The following PLCG2 variants were observed in gnomAD, a reference collection of about 807,000 sequenced individuals.
PLCG2 encodes 1-phosphatidylinositol 4,5-bisphosphate phosphodiesterase gamma-2.
A neutral mutation model predicts 175.6 loss-of-function variants in PLCG2; 69 were observed. The ratio of observed to expected loss-of-function variants is 0.39; its 90% confidence interval spans 0.32 to 0.48. PLCG2 has a LOEUF of 0.48. PLCG2 is among the 20% of genes least tolerant of loss of function. The pLI, the probability that PLCG2 is intolerant of heterozygous loss-of-function variation, is 0.91. For missense variants in PLCG2, 1,798 were observed against 1,650.9 expected, an observed-to-expected ratio of 1.09 and a Z score of -1.54; for synonymous variants, 827 against 624.0, an observed-to-expected ratio of 1.33 and a Z score of -4.85.
chr16:81,762,706 C>T (rs771713892), intron 2 of PLCG2, among the ~76,000 whole-genome samples: 12 of 152,120 alleles, frequency 7.9e-5, no homozygotes, highest in Non-Finnish European at 1.6e-4. Context: ...TGGGAAAAGC[C>T]TGAGCAAAAG....
chr16:81,744,994 C>CTTA (rs1378388406), intron 1 of PLCG2, among the ~76,000 whole-genome samples: 1 of 152,182 alleles, frequency 6.6e-6, no homozygotes, highest in Non-Finnish European at 1.5e-5. Context: ...ATCTTAACTC[C>CTTA]AACCCTGGAC....
chr16:81,749,734 G>T (rs986126967), intron 1 of PLCG2, among the ~76,000 whole-genome samples: 2 of 152,326 alleles, frequency 1.3e-5, no homozygotes, highest in Non-Finnish European at 2.9e-5. Context: ...TGGTGTTTCT[G>T]TCAAAATTGT....
chr16:81,767,555 A>G (rs943760154), intron 2 of PLCG2: 3 of 151,974 alleles, frequency 2.0e-5, no homozygotes, highest in Non-Finnish European at 4.4e-5. Context: ...TGGGATTATC[A>G]CTTGTATTGT....
chr16:81,837,384 C>T (rs754955495), intron 2 of PLCG2, among the ~76,000 whole-genome samples: 4 of 152,198 alleles, frequency 2.6e-5, no homozygotes, highest in African/African-American at 7.2e-5. Flanking sequence ...CCCTGCAGGC[C>T]ACTTCCTCTG....
At chr16:81,890,856 A>G (rs1908598506) in intron 10 of PLCG2, among the ~76,000 whole-genome samples, 2 of 152,132 alleles carry the variant, frequency 1.3e-5, no homozygotes, top group South Asian at 2.1e-4. Context: ...TCATGCTACT[A>G]TTATGCTTTA....
At chr16:81,937,706 G>A in intron 27 of PLCG2, 52 bp from the exon 28 acceptor site, 23 of 1,560,250 alleles carry the variant, frequency 1.5e-5, no homozygotes, top group Non-Finnish European at 1.8e-5. Flanking sequence ...CTGGCCTAGG[G>A]GGCCAGCGTG....
intron 2 of PLCG2, among the ~76,000 whole-genome samples, chr16:81,793,177 T>C: frequency 6.6e-6 from 1 of 151,982 alleles, no homozygotes; most frequent in East Asian, 1.9e-4. Flanking sequence ...TTTCCAGGGG[T>C]GTTGGATAAG....
intron 29 of PLCG2, among the ~76,000 whole-genome samples, chr16:81,939,656 G>A (rs1347089286): frequency 6.6e-6 from 1 of 152,188 alleles, no homozygotes; most frequent in Non-Finnish European, 1.5e-5. Flanking sequence ...GGGGAGATGG[G>A]AGGTGGTCTC....
intron 2 of PLCG2, among the ~76,000 whole-genome samples, chr16:81,803,040 C>G (rs915301189): frequency 1.6e-4 from 24 of 151,446 alleles, no homozygotes; most frequent in African/African-American, 4.8e-4. Flanking sequence ...CTGGCAATGA[C>G]AAATCTACTT....
chr16:81,933,405 C>T (rs924266877), intron 25 of PLCG2, among the ~76,000 whole-genome samples: 1 of 152,146 alleles, frequency 6.6e-6, no homozygotes, highest in Non-Finnish European at 1.5e-5. Context: ...CCCTAAGTGC[C>T]CGCATTGTTA....
rs1041942132 is a variant in PLCG2, at chr16:81,959,104, G to T, written c.*1106G>T. 30 of 223,808 alleles carry T rather than the reference G, an allele frequency of 1.3e-4. No individual in the cohort carries two copies. Among genetic ancestry groups the T allele is most frequent in the African/African-American group, 6.7e-4 (30 of 44,924 alleles). The allele number at this position is 223,808 out of a possible 1,614,324, so 13.9% of individuals were successfully genotyped here. ...ATGTAATATGGCTTTTTAAAGGAGA[G>T]GAGAGTGCTGGGTTGGGAAGGGAGG... On this transcript the variant is annotated 3_prime_UTR_variant, in exon 33 of 33. Transcript: ENST00000564138.
intron 2 of PLCG2, among the ~76,000 whole-genome samples, chr16:81,833,179 A>T (rs1433058256): frequency 6.6e-6 from 1 of 152,168 alleles, no homozygotes; most frequent in African/African-American, 2.4e-5. Context: ...GCATGAGGAT[A>T]CCACGTTTGG....
chr16:81,910,615 T>C lies in PLCG2; in HGVS notation c.1829T>C (p.Ile610Thr). 1 of 1,614,120 alleles carries C rather than the reference T, an allele frequency of 6.2e-7. No homozygotes were observed. Among genetic ancestry groups the C allele is most frequent in the East Asian group, 2.2e-5 (1 of 44,882 alleles). ...YLTDNLTFSS[I>T]YALIQHYRET... ...ACTGACAACCTCACCTTCAGCAGCA[T>C]CTATGCCCTCATCCAGCACTACCGC... Residue 610 changes from isoleucine (I) to threonine (T), a missense_variant, in exon 18 of 33, where the codon ATC (isoleucine) becomes ACC (threonine). Ile to Thr is a moderately conservative substitution (Grantham distance 89). Coordinates refer to ENST00000564138, the MANE Select transcript of PLCG2 (RefSeq NM_002661.5).
chr16:81,931,880 C>A (rs1597140566), intron 25 of PLCG2, among the ~76,000 whole-genome samples: 1 of 152,280 alleles, frequency 6.6e-6, no homozygotes, highest in South Asian at 2.1e-4. Flanking sequence ...CTGGTTCGAA[C>A]CTTCAGAAGG....
intron 7 of PLCG2, among the ~76,000 whole-genome samples, chr16:81,875,538 A>T (rs558907513): frequency 6.6e-6 from 1 of 152,260 alleles, no homozygotes; most frequent in Admixed American, 6.5e-5. Context: ...ACAGACCCCC[A>T]TGTATCATCA....
chr16:81,945,745 G>GT (rs905583818), intron 30 of PLCG2, among the ~76,000 whole-genome samples: 15 of 152,100 alleles, frequency 9.9e-5, no homozygotes, highest in Non-Finnish European at 1.9e-4. Context: ...CCTCCCATTG[G>GT]AAATCTTTAA....
At chr16:81,940,481 G>A (rs4888195) in intron 30 of PLCG2, among the ~76,000 whole-genome samples, 30,063 of 151,926 alleles carry the variant, frequency 0.2, 3,486 homozygotes, top group African/African-American at 0.33. Context: ...CAATCTCGAG[G>A]GTCCAACTCC....
chr16:81,858,382 G>A (rs760413036), intron 4 of PLCG2, 26 bp downstream of exon 4: 6 of 1,507,752 alleles, frequency 4.0e-6, no homozygotes, highest in Non-Finnish European at 5.5e-6. Flanking sequence ...CTGTTGATTT[G>A]CGTAGTTGCT....
At chr16:81,801,459 G>A (rs77319035) in intron 2 of PLCG2, among the ~76,000 whole-genome samples, 8 of 152,238 alleles carry the variant, frequency 5.3e-5, no homozygotes, top group Non-Finnish European at 1.0e-4. Context: ...CCATGTTGAT[G>A]TAGCTTTATT....
Sources: gnomAD v4.1 joint callset for allele counts (sites outside exome capture counted in the v4.1 genomes callset) on GRCh38, gnomAD v4.1.1 for gene constraint, MANE v1.5 for transcripts, NCBI Gene and HGNC (gene_info 2026-07-23, HGNC 2026-07-21) for gene names.